Variants in DIRAS2 observed in about 807,000 individuals in gnomAD.
The protein encoded by DIRAS2 is DIRAS family GTPase 2, also known as GTP-binding protein Di-Ras2.
A neutral mutation model predicts 13.9 loss-of-function variants in DIRAS2; 5 were observed. That is an observed-to-expected ratio of 0.36 (90% confidence interval 0.19 to 0.76). DIRAS2 has a LOEUF of 0.76. Ranked by LOEUF, DIRAS2 falls within the 30% of genes least tolerant of loss-of-function variation. The probability of loss-of-function intolerance (pLI) is 0.53; values close to 1 mark genes in which losing one functional copy is unlikely to be tolerated. For missense variants in DIRAS2, 191 were observed against 263.0 expected, an observed-to-expected ratio of 0.73 and a Z score of 1.89; for synonymous variants, 111 against 105.4, an observed-to-expected ratio of 1.05 and a Z score of -0.33.
chr9:90,622,500 G>T, intron 1 of DIRAS2, among the ~76,000 whole-genome samples: 1 of 146,638 alleles, frequency 6.8e-6, no homozygotes, highest in African/African-American at 2.5e-5. Context: ...TGCCAATTTT[G>T]ATATTTCAAT....
intron 1 of DIRAS2, among the ~76,000 whole-genome samples, chr9:90,629,501 T>C (rs898569535): frequency 2.0e-5 from 3 of 151,744 alleles, no homozygotes; most frequent in African/African-American, 7.3e-5. Context: ...TTCACTTCTT[T>C]CTCAAAATCT....
At chr9:90,641,919 C>A (rs954112300) in intron 1 of DIRAS2, among the ~76,000 whole-genome samples, 1 of 152,192 alleles carries the variant, frequency 6.6e-6, no homozygotes, top group African/African-American at 2.4e-5. Flanking sequence ...TGTCTCTGCA[C>A]AGTAGGAAGA....
chr9:90,628,526 C>T (rs1208597773), intron 1 of DIRAS2, among the ~76,000 whole-genome samples: 2 of 90,530 alleles, frequency 2.2e-5, no homozygotes, highest in African/African-American at 6.0e-5. Context: ...AATTTATACA[C>T]ACACACACAC....
chr9:90,628,298 G>C (rs1367338967), intron 1 of DIRAS2, among the ~76,000 whole-genome samples: 1 of 152,082 alleles, frequency 6.6e-6, no homozygotes, highest in Non-Finnish European at 1.5e-5. Flanking sequence ...TGAAAACTTA[G>C]AATAAAAAAT....
At position 90,613,196 on chromosome 9, in the gene DIRAS2, A is replaced by G. The variant is rs762819767; in HGVS notation, c.*32T>C. 1 of 1,587,054 alleles carries G rather than the reference A, an allele frequency of 6.3e-7. No individual in the cohort carries two copies. Among genetic ancestry groups the G allele is most frequent in the Non-Finnish European group, 8.6e-7 (1 of 1,165,748 alleles). ...ATTTTGGGGGAGTGAGGTGCCGGGGACACACAGCTGCTCCTCCCGCAGGAA... is the reference window on the plus strand; with the variant it reads ...ATTTTGGGGGAGTGAGGTGCCGGGGGCACACAGCTGCTCCTCCCGCAGGAA... On this transcript the variant is annotated 3_prime_UTR_variant, in exon 2 of 2. Coordinates refer to ENST00000375765, the MANE Select transcript of DIRAS2 (RefSeq NM_017594.5). The surrounding 1 kb of genome is among the most constrained non-coding windows in gnomAD (Gnocchi z 5.6).
intron 1 of DIRAS2, among the ~76,000 whole-genome samples, chr9:90,618,049 A>G (rs1010752980): frequency 1.3e-5 from 2 of 152,226 alleles, no homozygotes; most frequent in African/African-American, 4.8e-5. Flanking sequence ...GCGACTCTGC[A>G]GAAACTGACA....
chr9:90,631,504 G>A (rs891751626), intron 1 of DIRAS2, among the ~76,000 whole-genome samples: 2 of 152,148 alleles, frequency 1.3e-5, no homozygotes, highest in African/African-American at 2.4e-5. Context: ...AGCGGAGGCA[G>A]GATTCCAGTC....
chr9:90,634,923 G>A (rs16906728), intron 1 of DIRAS2, among the ~76,000 whole-genome samples: 13,308 of 152,218 alleles, frequency 0.087, 669 homozygotes, highest in South Asian at 0.18. Flanking sequence ...AGATAGCAAC[G>A]ACCCAAACAG....
chr9:90,626,188 A>G (rs1825267237), intron 1 of DIRAS2: 2 of 152,024 alleles, frequency 1.3e-5, no homozygotes, highest in Non-Finnish European at 1.5e-5. Flanking sequence ...GTCAAAAAAA[A>G]AAAAAAAAAA....
intron 1 of DIRAS2, among the ~76,000 whole-genome samples, chr9:90,634,867 A>G (rs1010899464): frequency 1.3e-5 from 2 of 152,238 alleles, no homozygotes; most frequent in East Asian, 1.9e-4. Flanking sequence ...AAAAGAGAGG[A>G]ATAAACCTGA....
intron 1 of DIRAS2, among the ~76,000 whole-genome samples, chr9:90,641,943 C>A (rs1825422296): frequency 6.6e-6 from 1 of 152,196 alleles, no homozygotes; most frequent in Non-Finnish European, 1.5e-5. Context: ...TGAATTCCAC[C>A]ACAATGTTGT....
At chr9:90,616,570 T>C (rs1017740989) in intron 1 of DIRAS2, among the ~76,000 whole-genome samples, 1 of 152,034 alleles carries the variant, frequency 6.6e-6, no homozygotes, top group East Asian at 1.9e-4. Flanking sequence ...TAAAGTTCAA[T>C]GTGCATTTAT....
At chr9:90,615,007 C>T (rs1001341595) in intron 1 of DIRAS2, among the ~76,000 whole-genome samples, 17 of 152,092 alleles carry the variant, frequency 1.1e-4, no homozygotes, top group South Asian at 2.1e-4. Flanking sequence ...ATTTTTAAAA[C>T]TGAAGTTGAT....
intron 1 of DIRAS2, among the ~76,000 whole-genome samples, chr9:90,620,054 G>C (rs1229767423): frequency 1.3e-5 from 2 of 152,102 alleles, no homozygotes; most frequent in Admixed American, 1.3e-4. Flanking sequence ...GGGGAAACAA[G>C]AAGTAACTGA....
chr9:90,636,876 CA>C (rs897425502), intron 1 of DIRAS2, among the ~76,000 whole-genome samples: 26 of 152,294 alleles, frequency 1.7e-4, no homozygotes, highest in African/African-American at 5.8e-4. Flanking sequence ...AATATCACGT[CA>C]AAAATGCATT....
At position 90,612,157 on chromosome 9, in the gene DIRAS2, C is replaced by T. The variant is rs948010494; in HGVS notation, c.*1071G>A. Reference sequence around the variant, plus strand: ...ATTTTCCAGGAACATATTTCCAATACAGATAGATCATCAAAAACACAGTGA... The same window carrying T: ...ATTTTCCAGGAACATATTTCCAATATAGATAGATCATCAAAAACACAGTGA... On this transcript the variant is annotated 3_prime_UTR_variant, in exon 2 of 2. Transcript: ENST00000375765. 2.0e-5 allele frequency: 3 copies of T among 152,604 alleles called. No individual in the cohort carries two copies. Among genetic ancestry groups the T allele is most frequent in the African/African-American group, 7.2e-5 (3 of 41,442 alleles). 9.5% of individuals were successfully genotyped at this position (152,604 alleles called of 1,614,324 possible). A position where few individuals can be genotyped will look rare whatever the true frequency, so the allele number is the denominator to read the frequency against.
chr9:90,615,491 T>A (rs1825160793), intron 1 of DIRAS2, among the ~76,000 whole-genome samples: 1 of 152,232 alleles, frequency 6.6e-6, no homozygotes, highest in Non-Finnish European at 1.5e-5. Context: ...ATAATTATGA[T>A]TAATTCAAGG....
At chr9:90,639,677 CT>C (rs1308130329) in intron 1 of DIRAS2, among the ~76,000 whole-genome samples, 1 of 152,200 alleles carries the variant, frequency 6.6e-6, no homozygotes, top group Non-Finnish European at 1.5e-5. Flanking sequence ...CAATAAACCC[CT>C]AGGCTGCATG....
At chr9:90,620,849 A>G (rs1825213636) in intron 1 of DIRAS2, among the ~76,000 whole-genome samples, 1 of 152,206 alleles carries the variant, frequency 6.6e-6, no homozygotes, top group African/African-American at 2.4e-5. Context: ...GAAATATTAC[A>G]TATCTTGATG....
Sources: gnomAD v4.1 joint callset for allele counts (sites outside exome capture counted in the v4.1 genomes callset) on GRCh38, gnomAD v4.1.1 for gene constraint, Gnocchi (gnomAD v3.1) non-coding constraint, MANE v1.5 for transcripts, NCBI Gene and HGNC (gene_info 2026-07-23, HGNC 2026-07-21) for gene names.